The following ERCC6 variants were observed in gnomAD, a reference collection of about 807,000 sequenced individuals.
ERCC6 encodes the protein DNA excision repair protein ERCC-6.
In ERCC6, 116 loss-of-function variants were observed where a neutral mutation model predicts 158.7. The ratio of observed to expected loss-of-function variants is 0.73; its 90% confidence interval spans 0.63 to 0.85. ERCC6 has a LOEUF of 0.85. Among genes scored for constraint, ERCC6 ranks in the 40% least tolerant of loss-of-function variants. ERCC6 has a pLI of 0.00. For missense variants in ERCC6, 1,698 were observed against 1,799.4 expected (o/e 0.94, Z 1.02); for synonymous variants, 678 against 659.3 (o/e 1.03, Z -0.43).
chr10:49,460,406 A>G lies in ERCC6; in HGVS notation c.4029T>C (p.His1343=). The change falls in exon 20 of 21, where the codon CAT becomes CAC. Residue 1343 remains histidine, a synonymous_variant. Transcript: ENST00000355832. ...TCTCTGTTGGAGATGTTGATGAAGG[A>G]TGCTGCACAGAGAAGTTAGAATTCC... ...KKRNSNFSVQ[H]PSSTSPTEKC... 1 of 1,613,870 alleles carries G rather than the reference A, an allele frequency of 6.2e-7. No individual in the cohort carries two copies. Among genetic ancestry groups the G allele is most frequent in the South Asian group, 1.1e-5 (1 of 91,074 alleles).
chr10:49,440,140 A>G, the ERCC6 span, among the ~76,000 whole-genome samples: 1 of 152,202 alleles, frequency 6.6e-6, no homozygotes, highest in African/African-American at 2.4e-5. Flanking sequence ...TACTGGTACC[A>G]ACTGACTGTA....
chr10:49,514,273 G>T (rs1440702383), intron 5 of ERCC6, among the ~76,000 whole-genome samples: 1 of 152,120 alleles, frequency 6.6e-6, no homozygotes, highest in Non-Finnish European at 1.5e-5. Context: ...ACTTTTCCAA[G>T]TAACAGTAAA....
intron 18 of ERCC6, among the ~76,000 whole-genome samples, chr10:49,465,612 A>C (rs1014120738): frequency 2.0e-5 from 3 of 152,036 alleles, no homozygotes; most frequent in Non-Finnish European, 4.4e-5. Context: ...TCATGGGAGG[A>C]ATCTGGTGGG....
chr10:49,527,890 A>C (rs1207153661), intron 4 of ERCC6, among the ~76,000 whole-genome samples: 1 of 152,220 alleles, frequency 6.6e-6, no homozygotes, highest in Non-Finnish European at 1.5e-5. Flanking sequence ...TGCAAAGATA[A>C]TTTAGTTCCA....
At chr10:49,532,059 T>C (rs999822040) in intron 2 of ERCC6, among the ~76,000 whole-genome samples, 8 of 152,148 alleles carry the variant, frequency 5.3e-5, no homozygotes, top group African/African-American at 1.9e-4. Context: ...AGAACAAGGA[T>C]GGAAGAAAAG....
intron 10 of ERCC6, among the ~76,000 whole-genome samples, chr10:49,481,014 C>T (rs111349376): frequency 5.5e-4 from 83 of 152,290 alleles, no homozygotes; most frequent in African/African-American, 1.6e-3. Context: ...TGTTAAACTT[C>T]GTTCTGATTT....
rs151320079 is a variant in ERCC6, at chr10:49,535,158, T to C, written c.-14-2180A>G. Among the ~76,000 whole-genome samples the C allele has an allele frequency of 3.4e-3, 512 of 152,260 alleles. 2 individuals carry two copies. Among genetic ancestry groups the C allele is most frequent in the African/African-American group, 0.012 (488 of 41,532 alleles). On this transcript the variant is annotated intron_variant, in intron 1 of 20. Coordinates refer to ENST00000355832, the MANE Select transcript of ERCC6 (RefSeq NM_000124.4). ...AAGTCTAAAATAATAAAAAGTTTGG[T>C]CTGGACAAATGAGTCACCAGTGAAT...
intron 18 of ERCC6, among the ~76,000 whole-genome samples, chr10:49,468,657 C>T (rs1054190960): frequency 1.2e-4 from 18 of 152,098 alleles, no homozygotes; most frequent in African/African-American, 4.3e-4. Flanking sequence ...CAAACACATA[C>T]ACACACATAC....
intron 18 of ERCC6, among the ~76,000 whole-genome samples, chr10:49,464,067 G>A (rs1252896315): frequency 1.3e-5 from 2 of 152,334 alleles, no homozygotes; most frequent in East Asian, 3.9e-4. Flanking sequence ...GGGCTCAGAA[G>A]ACGAGAGGAA....
chr10:49,466,809 C>T (rs528506488), intron 18 of ERCC6, among the ~76,000 whole-genome samples: 17 of 152,256 alleles, frequency 1.1e-4, no homozygotes, highest in Admixed American at 2.6e-4. Context: ...TTTTTTGAGA[C>T]GGAGTCTTGC....
the ERCC6 span, among the ~76,000 whole-genome samples, chr10:49,436,849 A>G: frequency 6.6e-5 from 10 of 152,380 alleles, no homozygotes; most frequent in Non-Finnish European, 1.2e-4. Flanking sequence ...AAGAAATCAC[A>G]TAGGTAATAA....
rs1281446699 is a variant in ERCC6, at chr10:49,457,239, A to G, written c.*1576T>C. The G allele has an allele frequency of 6.6e-6, 1 of 152,220 alleles. No individual in the cohort carries two copies. The highest frequency in any genetic ancestry group is 6.5e-5 in the Admixed American group (1 of 15,278). 9.4% of individuals were successfully genotyped at this position (152,220 alleles called of 1,614,324 possible). Reference sequence around the variant, plus strand: ...AAGTTTAAGACTTATTGGCCTATTTAAAAATTCTTTCTATGACTTCTAAAC... The same window carrying G: ...AAGTTTAAGACTTATTGGCCTATTTGAAAATTCTTTCTATGACTTCTAAAC... On this transcript the variant is annotated 3_prime_UTR_variant, in exon 21 of 21. Coordinates refer to ENST00000355832, the MANE Select transcript of ERCC6 (RefSeq NM_000124.4).
chr10:49,524,724 A>G lies in ERCC6; in HGVS notation c.706T>C (p.Trp236Arg). The change falls in exon 5 of 21, where the codon TGG (tryptophan) becomes CGG (arginine). Residue 236 changes from tryptophan (W) to arginine (R), a missense_variant. By Grantham distance (101) the Trp-to-Arg change is moderately radical. Transcript: ENST00000355832. ...TGGCCAGTGCGGATGAGCTCTTCCC[A>G]GGCAGTCTCCTGGACAGGCATGAGC... Reference protein sequence around the residue: ...SMLMPVQETAWEELIRTGQMT... With the variant: ...SMLMPVQETAREELIRTGQMT... The G allele has an allele frequency of 6.2e-7, 1 of 1,607,088 alleles. No homozygotes were observed. Among genetic ancestry groups the G allele is most frequent in the East Asian group, 2.2e-5 (1 of 44,882 alleles).
At chr10:49,475,820 T>A (rs1206357316) in intron 12 of ERCC6, among the ~76,000 whole-genome samples, 1 of 152,216 alleles carries the variant, frequency 6.6e-6, no homozygotes, top group African/African-American at 2.4e-5. Context: ...AGGAAGCTGA[T>A]GAAAGTTATG....
chr10:49,536,841 A>C (rs903277527), intron 1 of ERCC6, among the ~76,000 whole-genome samples: 2 of 152,212 alleles, frequency 1.3e-5, no homozygotes, highest in Non-Finnish European at 2.9e-5. Context: ...TGCTGAGAAG[A>C]GTAGCTGAAG....
intron 10 of ERCC6, among the ~76,000 whole-genome samples, chr10:49,480,724 A>G (rs574411264): frequency 2.6e-5 from 4 of 152,340 alleles, no homozygotes; most frequent in East Asian, 1.9e-4. Context: ...TAGTGGAACA[A>G]ACAGACAGCA....
chr10:49,452,711 T>C (rs1263377759), downstream of ERCC6, among the ~76,000 whole-genome samples: 3 of 152,150 alleles, frequency 2.0e-5, no homozygotes, highest in Non-Finnish European at 4.4e-5. Context: ...ATTTTCTTCT[T>C]CCATTTCTGT....
chr10:49,464,134 T>C (rs941333305), intron 18 of ERCC6, among the ~76,000 whole-genome samples: 2 of 152,252 alleles, frequency 1.3e-5, no homozygotes, highest in South Asian at 2.1e-4. Context: ...GACAAAAATG[T>C]TGATAGTGAT....
the ERCC6 span, among the ~76,000 whole-genome samples, chr10:49,444,792 G>A: frequency 6.6e-6 from 1 of 152,010 alleles, no homozygotes; most frequent in African/African-American, 2.4e-5. Flanking sequence ...TATTTTCCAA[G>A]ACAAGAACAA....
Sources: allele counts gnomAD v4.1 joint callset (sites outside exome capture counted in the v4.1 genomes callset), GRCh38; gene constraint gnomAD v4.1.1; transcripts MANE v1.5; gene names NCBI Gene and HGNC (gene_info 2026-07-23, HGNC 2026-07-21).